Variants in BOLL observed in about 807,000 individuals in gnomAD.
The protein encoded by BOLL is protein boule-like.
A neutral mutation model predicts 44.4 loss-of-function variants in BOLL; 23 were observed. That is an observed-to-expected ratio of 0.52 (90% CI 0.37 to 0.73). The LOEUF (loss-of-function observed/expected upper bound fraction) is 0.73. Among genes scored for constraint, BOLL ranks in the 30% least tolerant of loss-of-function variants. The probability of loss-of-function intolerance (pLI) is 0.00; values close to 1 mark genes in which losing one functional copy is unlikely to be tolerated. For missense variants in BOLL, 287 were observed against 338.3 expected (o/e 0.85, Z 1.19); for synonymous variants, 97 against 110.8 (o/e 0.88, Z 0.78).
intron 10 of BOLL, among the ~76,000 whole-genome samples, chr2:197,729,508 G>A (rs1223420243): frequency 2.6e-5 from 4 of 152,154 alleles, no homozygotes; most frequent in Non-Finnish European, 5.9e-5. Context: ...CACCTCTGGG[G>A]GCAGGGCACA....
At chr2:197,754,284 A>G (rs187707846) in intron 9 of BOLL, among the ~76,000 whole-genome samples, 46 of 152,282 alleles carry the variant, frequency 3.0e-4, no homozygotes, top group Admixed American at 5.2e-4. Context: ...GTAAAGTATA[A>G]TAAAAAAAAA....
intron 10 of BOLL, among the ~76,000 whole-genome samples, chr2:197,737,936 T>C (rs1574807123): frequency 1.3e-5 from 2 of 152,322 alleles, no homozygotes; most frequent in East Asian, 3.9e-4. Flanking sequence ...AATAGCCATA[T>C]GTTTTCATCG....
Position 197,734,612 on chromosome 2 carries a change from T to C in BOLL, c.829-6034A>G, listed in dbSNP as rs558576174. ...AAGAAAATGTGGCAGATATACACCA[T>C]GGAATACTATGCAGCCATAAAAAAT... On this transcript the variant is annotated intron_variant, in intron 10 of 10. Coordinates refer to ENST00000392296, the MANE Select transcript of BOLL (RefSeq NM_033030.6). Among the ~76,000 whole-genome samples, 522 of 152,204 alleles carry C rather than the reference T, an allele frequency of 3.4e-3. 7 individuals carry two copies. Among genetic ancestry groups the C allele is most frequent in the African/African-American group, 0.012 (494 of 41,508 alleles).
In BOLL at chr2:197,778,978, T is replaced by C. The variant is rs377038167; in HGVS notation, c.218A>G (p.Lys73Arg). 5.0e-6 allele frequency: 8 copies of C among 1,608,256 alleles called. No individual in the cohort carries two copies. The African/African-American group carries it at 9.4e-5, about 19-fold the overall frequency. ...KIVNDRAGVS[K>R]GYGFVTFETQ... ...GACAATCTATAGTGATACTAACCCTTTGGATACTCCAGCTCTGTCATTTAC... is the reference window on the plus strand; with the variant it reads ...GACAATCTATAGTGATACTAACCCTCTGGATACTCCAGCTCTGTCATTTAC... Residue 73 changes from lysine (K) to arginine (R), a missense_variant, in exon 3 of 11, where the codon AAA (lysine) becomes AGA (arginine). Lys to Arg is a conservative substitution (Grantham distance 26, BLOSUM62 2). Coordinates refer to ENST00000392296, the MANE Select transcript of BOLL (RefSeq NM_033030.6).
chr2:197,772,095 A>G, intron 5 of BOLL, 113 bp from the exon 6 acceptor site: 1 of 857,994 alleles, frequency 1.2e-6, no homozygotes, highest in Non-Finnish European at 1.6e-6. Flanking sequence ...TAGCTATGGT[A>G]AAAATTGAAT....
intron 2 of BOLL, 91 bp from the exon 3 acceptor site, chr2:197,779,157 T>C (rs1331898726): frequency 2.2e-6 from 2 of 916,438 alleles, no homozygotes; most frequent in Non-Finnish European, 3.3e-6. Flanking sequence ...GAAAAAGTTA[T>C]AGATAAGATG....
chr2:197,776,772 T>C, intron 4 of BOLL, among the ~76,000 whole-genome samples: 1 of 151,974 alleles, frequency 6.6e-6, no homozygotes, highest in East Asian at 1.9e-4. Context: ...TCCACATTTG[T>C]AGTGTTTTTT....
At chr2:197,786,078 A>G (rs1690061467), upstream of BOLL, 16 of 1,559,088 alleles carry the variant, frequency 1.0e-5, no homozygotes, top group South Asian at 1.7e-4. The surrounding 1 kb of genome is among the most constrained non-coding windows in gnomAD (Gnocchi z 5.9). Context: ...ACGCCAAGGC[A>G]GCAGCGCTGC....
chr2:197,732,226 T>C lies in BOLL; in HGVS notation c.829-3648A>G, dbSNP rs1442145219. 4.5e-3 allele frequency among the ~76,000 whole-genome samples: 685 copies of C among 150,786 alleles called. 10 individuals carry two copies. Among genetic ancestry groups the C allele is most frequent in the African/African-American group, 0.015 (628 of 40,574 alleles). On this transcript the variant is annotated intron_variant, in intron 10 of 10. Transcript: ENST00000392296. ...AAAATCTAGAAGAAATGGATAAATTTCTCGACACATACACTCTCCCAAGAC... is the reference window on the plus strand; with the variant it reads ...AAAATCTAGAAGAAATGGATAAATTCCTCGACACATACACTCTCCCAAGAC...
upstream of BOLL, among the ~76,000 whole-genome samples, chr2:197,785,705 C>T (rs1690044715): frequency 2.0e-5 from 3 of 152,184 alleles, no homozygotes; most frequent in South Asian, 4.1e-4. This position sits in a 1 kb window ranked among gnomAD's most constrained non-coding sequence, Gnocchi z 6.7. Flanking sequence ...GGCAGCCCGC[C>T]GCCTCCCGAA....
intron 10 of BOLL, among the ~76,000 whole-genome samples, chr2:197,740,138 T>TGCAGTGAGTGGTAATG (rs1374231768): frequency 7.9e-4 from 120 of 152,276 alleles, no homozygotes; most frequent in African/African-American, 2.7e-3. Context: ...AATGAAGGGA[T>TGCAGTGAGTGGTAATG]GCAGTGAGTG....
At chr2:197,729,617 A>G (rs533569016) in intron 10 of BOLL, among the ~76,000 whole-genome samples, 1 of 152,318 alleles carries the variant, frequency 6.6e-6, no homozygotes, top group African/African-American at 2.4e-5. Context: ...TGGAGATCTG[A>G]GAACGGGCAG....
intron 1 of BOLL, among the ~76,000 whole-genome samples, chr2:197,783,252 C>T (rs897881249): frequency 2.6e-4 from 39 of 151,932 alleles, no homozygotes; most frequent in African/African-American, 8.7e-4. Context: ...ATCAGGAGTT[C>T]GAGACCAGCC....
At chr2:197,736,685 G>T (rs1468164246) in intron 10 of BOLL, among the ~76,000 whole-genome samples, 1 of 152,206 alleles carries the variant, frequency 6.6e-6, no homozygotes, top group South Asian at 2.1e-4. Flanking sequence ...TAACTGCCAG[G>T]ATATCTATGC....
At chr2:197,762,009 G>T (rs190439643) in intron 7 of BOLL, among the ~76,000 whole-genome samples, 1 of 152,208 alleles carries the variant, frequency 6.6e-6, no homozygotes, top group Non-Finnish European at 1.5e-5. Context: ...AGTGGTTGGG[G>T]ACTTCAACAC....
chr2:197,772,306 G>A (rs551487945), intron 5 of BOLL, among the ~76,000 whole-genome samples: 132 of 152,052 alleles, frequency 8.7e-4, no homozygotes, highest in African/African-American at 3.0e-3. Flanking sequence ...TATCATCAGC[G>A]AAGTAATTAT....
intron 10 of BOLL, among the ~76,000 whole-genome samples, chr2:197,741,366 T>C (rs752315388): frequency 3.9e-5 from 6 of 152,092 alleles, no homozygotes; most frequent in African/African-American, 1.4e-4. Context: ...GCTTATCAGC[T>C]TAAGGAGATT....
Position 197,757,189 on chromosome 2 carries a change from T to C in BOLL, c.600+164A>G, listed in dbSNP as rs563296231. 3.3e-5 allele frequency among the ~76,000 whole-genome samples: 5 copies of C among 152,266 alleles called. No homozygotes were observed. The East Asian group carries it at 7.7e-4, about 23-fold the overall frequency. ...AACTTACAAAGGTATAGTATCATTATATCCATTTTACAAATGAAGAAACTG... is the reference window on the plus strand; with the variant it reads ...AACTTACAAAGGTATAGTATCATTACATCCATTTTACAAATGAAGAAACTG... On this transcript the variant is annotated intron_variant, in intron 8 of 10. Coordinates refer to ENST00000392296, the MANE Select transcript of BOLL (RefSeq NM_033030.6).
chr2:197,740,255 A>T (rs1221967371), intron 10 of BOLL, among the ~76,000 whole-genome samples: 1 of 152,162 alleles, frequency 6.6e-6, no homozygotes, highest in African/African-American at 2.4e-5. Context: ...GGGCCAGAAC[A>T]TAAATATGAG....
Sources: allele counts gnomAD v4.1 joint callset (sites outside exome capture counted in the v4.1 genomes callset), GRCh38; gene constraint gnomAD v4.1.1; non-coding constraint Gnocchi (gnomAD v3.1); transcripts MANE v1.5; gene names NCBI Gene and HGNC (gene_info 2026-07-23, HGNC 2026-07-21).